Variants in DST observed in about 807,000 individuals in gnomAD.
DST encodes bullous pemphigoid antigen.
Under a neutral mutation model 875.2 loss-of-function variants are expected in DST, and 253 were observed. That is an observed-to-expected ratio of 0.29 (90% CI 0.26 to 0.32). DST has a LOEUF of 0.32. Among genes scored for constraint, DST ranks in the 10% least tolerant of loss-of-function variants. DST has a pLI of 1.00. For missense variants in DST, 8,287 were observed against 9,111.6 expected (o/e 0.91, Z 3.68); for synonymous variants, 3,124 against 3,197.1 (o/e 0.98, Z 0.77).
intron 69 of DST, among the ~76,000 whole-genome samples, chr6:56,521,700 A>T (rs1414258159): frequency 2.0e-5 from 3 of 151,950 alleles, no homozygotes; most frequent in Non-Finnish European, 4.4e-5. Flanking sequence ...GTTAAGCAAC[A>T]AAGGGAGTAG....
At chr6:56,895,132 ACGGGGAGGCTGGCCGGG>A (rs1790531290) in intron 3 of DST, among the ~76,000 whole-genome samples, 1 of 81,756 alleles carries the variant, frequency 1.2e-5, no homozygotes, top group African/African-American at 7.5e-5. Context: ...CACCTCCCGG[ACGGGGAGGCTGGCCGGG>A]CGGGGGGCTG....
intron 4 of DST, among the ~76,000 whole-genome samples, chr6:56,782,801 T>C (rs2099696766): frequency 6.6e-6 from 1 of 152,224 alleles, no homozygotes; most frequent in Non-Finnish European, 1.5e-5. Flanking sequence ...CTCTAGTTCT[T>C]TTAATTGTGA....
intron 49 of DST, among the ~76,000 whole-genome samples, chr6:56,582,239 T>C (rs1349260150): frequency 2.0e-5 from 3 of 152,214 alleles, no homozygotes; most frequent in African/African-American, 4.8e-5. Context: ...AAATCTCACA[T>C]TGAAATGCAA....
intron 4 of DST, among the ~76,000 whole-genome samples, chr6:56,767,623 A>G (rs1199071050): frequency 1.4e-5 from 2 of 141,276 alleles, no homozygotes; most frequent in Non-Finnish European, 3.0e-5. Context: ...TCAAATAAAT[A>G]AATAAATAAA....
chr6:56,501,359 T>TA, intron 79 of DST, 124 bp from the exon 80 acceptor site: 1 of 1,170,466 alleles, frequency 8.5e-7, no homozygotes, highest in South Asian at 1.9e-5. Flanking sequence ...CAGTGAAGCC[T>TA]AATCATCATA....
At chr6:56,624,775 T>G (rs1039370872) in intron 35 of DST, 147 bp from the exon 36 acceptor site, 7 of 670,772 alleles carry the variant, frequency 1.0e-5, no homozygotes, top group Non-Finnish European at 1.9e-5. Context: ...AATGAGCTTA[T>G]TATTACTATT....
At chr6:56,668,934 G>C (rs1256781827) in intron 10 of DST, among the ~76,000 whole-genome samples, 1 of 151,738 alleles carries the variant, frequency 6.6e-6, no homozygotes, top group Non-Finnish European at 1.5e-5. Flanking sequence ...AGGAAAGAGA[G>C]GAAGAGAACG....
Position 56,607,493 on chromosome 6 carries a change from C to A in DST, c.7135G>T (p.Glu2379Ter). 6.3e-7 allele frequency: 1 copy of A among 1,597,442 alleles called. No individual in the cohort carries two copies. The highest frequency in any genetic ancestry group is 8.5e-7 in the Non-Finnish European group (1 of 1,170,676). Residue 2379 changes from glutamate (E) to a stop codon, truncating the protein, a stop_gained, in exon 40 of 104, where the codon GAA (glutamate) becomes TAA (stop). Coordinates refer to ENST00000680361, the MANE Select transcript of DST (RefSeq NM_001374736.1). LOFTEE classifies it high-confidence loss of function. ...YENQSRVETN[E>*]RANECSHSKN... ...GAATGACTACATTCATTTGCACGTTCATTTGTTTCCACTCGGCTTTGATTT... is the reference window on the plus strand; with the variant it reads ...GAATGACTACATTCATTTGCACGTTAATTTGTTTCCACTCGGCTTTGATTT...
chr6:56,466,447 T>A (rs1468523728), intron 98 of DST: 2 of 293,550 alleles, frequency 6.8e-6, no homozygotes, highest in East Asian at 5.6e-5. Flanking sequence ...AGCTTTGGTC[T>A]AAAAATTATT....
intron 49 of DST, among the ~76,000 whole-genome samples, chr6:56,586,887 C>A (rs984136206): frequency 6.6e-6 from 1 of 152,136 alleles, no homozygotes; most frequent in African/African-American, 2.4e-5. Context: ...ACAGAAAGGA[C>A]ATCCACACCA....
chr6:56,909,235 T>C (rs1406078518), intron 2 of DST, among the ~76,000 whole-genome samples: 1 of 152,256 alleles, frequency 6.6e-6, no homozygotes, highest in African/African-American at 2.4e-5. Context: ...TTCATAGTTC[T>C]GTCTTTTATC....
At chr6:56,796,158 C>A (rs2099739389) in intron 4 of DST, among the ~76,000 whole-genome samples, 1 of 152,152 alleles carries the variant, frequency 6.6e-6, no homozygotes, top group Admixed American at 6.5e-5. Context: ...GATGCAATAC[C>A]TAATGTGTCT....
In DST at chr6:56,619,471, T is replaced by C. The variant is rs754600876; in HGVS notation, c.4930-4987A>G. 33 of 1,611,988 alleles carry C rather than the reference T, an allele frequency of 2.0e-5. No homozygotes were observed. The highest frequency in any genetic ancestry group is 2.8e-5 in the Non-Finnish European group (33 of 1,179,648). Reference sequence around the variant, plus strand: ...GATGATCTGATTTTCTCTGGCAGATTTGTAGTCTTTCTAATTCTTTCTCAT... The same window carrying C: ...GATGATCTGATTTTCTCTGGCAGATCTGTAGTCTTTCTAATTCTTTCTCAT... On this transcript the variant is annotated intron_variant, in intron 36 of 103. Transcript: ENST00000680361.
At chr6:56,523,309 G>A (rs1156282659) in intron 69 of DST, among the ~76,000 whole-genome samples, 10 of 152,028 alleles carry the variant, frequency 6.6e-5, no homozygotes, top group Non-Finnish European at 1.3e-4. Context: ...TGTTATGAAA[G>A]TTCAATAGCG....
At chr6:56,784,910 G>T (rs950512628) in intron 4 of DST, among the ~76,000 whole-genome samples, 13 of 152,056 alleles carry the variant, frequency 8.5e-5, no homozygotes, top group Non-Finnish European at 1.6e-4. Context: ...TTTTGGTGTG[G>T]ATGTCCTTTC....
intron 49 of DST, among the ~76,000 whole-genome samples, chr6:56,591,124 C>G (rs1162853599): frequency 6.6e-6 from 1 of 152,176 alleles, no homozygotes; most frequent in African/African-American, 2.4e-5. Context: ...TGGAATGAAA[C>G]TTTTAAACTC....
At chr6:56,738,602 G>C (rs1041973354) in intron 4 of DST, among the ~76,000 whole-genome samples, 5 of 152,028 alleles carry the variant, frequency 3.3e-5, no homozygotes, top group Non-Finnish European at 5.9e-5. Context: ...TTACAGGCGT[G>C]AGACACCGAG....
chr6:56,603,728 G>A lies in DST; in HGVS notation c.10792-15C>T. On this transcript the variant is annotated splice_polypyrimidine_tract_variant and intron_variant, in intron 40 of 103. Transcript: ENST00000680361. ...TCACTGGAAAACTAAAAACAAAGTT[G>A]GACATTTTAATTCAATAACCTTTAT... The A allele has an allele frequency of 6.3e-7, 1 of 1,590,534 alleles. No individual in the cohort carries two copies.
rs2098460994 is a variant in DST at position 56,603,154 on chromosome 6, C to T, written c.11157+51G>A. ...ATACTCCAGCTTATGACTAAATCCT[C>T]AAATAATAAAATTTTCTTCATAAAT... On this transcript the variant is annotated intron_variant, in intron 42 of 103. Transcript: ENST00000680361. 3.2e-6 allele frequency: 5 copies of T among 1,553,986 alleles called. No individual in the cohort carries two copies. In the African/African-American group the frequency reaches 5.5e-5, roughly 17 times the overall value.
Sources: gnomAD v4.1 joint callset for allele counts (sites outside exome capture counted in the v4.1 genomes callset) on GRCh38, gnomAD v4.1.1 for gene constraint, MANE v1.5 for transcripts, NCBI Gene and HGNC (gene_info 2026-07-23, HGNC 2026-07-21) for gene names.